Variants in ASB3 observed in about 807,000 individuals in gnomAD.
The protein encoded by ASB3 is ankyrin repeat and SOCS box protein 3.
Under a neutral mutation model 54.5 loss-of-function variants are expected in ASB3, and 41 were observed. That is an observed-to-expected ratio of 0.75 (90% CI 0.59 to 0.98). The LOEUF (loss-of-function observed/expected upper bound fraction) is 0.98, where lower values mean the gene tolerates loss of function less well. Among genes scored for constraint, ASB3 ranks in the 50% least tolerant of loss-of-function variants. The pLI is 0.00. For missense variants in ASB3, 733 were observed against 620.0 expected (o/e 1.18, Z -1.94); for synonymous variants, 266 against 221.2 (o/e 1.20, Z -1.80).
At chr2:53,771,369 T>C (rs1673893993) in intron 1 of ASB3, among the ~76,000 whole-genome samples, 1 of 152,016 alleles carries the variant, frequency 6.6e-6, no homozygotes, top group Admixed American at 6.6e-5. Context: ...AAAAATTAGC[T>C]GGGTGTCTTG....
chr2:53,777,336 T>G (rs1178815197), intron 1 of ASB3, among the ~76,000 whole-genome samples: 3 of 152,204 alleles, frequency 2.0e-5, no homozygotes, highest in African/African-American at 2.4e-5. Context: ...ACCCAAAGAT[T>G]GCAATTTTCA....
intron 9 of ASB3, among the ~76,000 whole-genome samples, chr2:53,690,471 A>C (rs1223823524): frequency 6.6e-6 from 1 of 152,132 alleles, no homozygotes; most frequent in African/African-American, 2.4e-5. Flanking sequence ...ACAACAGTCC[A>C]TGTAAAAGAA....
intron 1 of ASB3, chr2:53,774,551 G>A: frequency 2.0e-6 from 3 of 1,465,844 alleles, no homozygotes; most frequent in Non-Finnish European, 2.7e-6. Flanking sequence ...ATTAACTTCA[G>A]TGCACAATGA....
At chr2:53,763,468 T>C (rs1212640334) in intron 2 of ASB3, 1 of 169,334 alleles carries the variant, frequency 5.9e-6, no homozygotes, top group East Asian at 1.9e-4. Flanking sequence ...AACCCACAGA[T>C]ACAGACGGCT....
chr2:53,776,361 A>T (rs1237752328), intron 1 of ASB3, among the ~76,000 whole-genome samples: 1 of 152,218 alleles, frequency 6.6e-6, no homozygotes, highest in Admixed American at 6.5e-5. Context: ...AGGCAATTAG[A>T]TGATAAATGT....
At chr2:53,785,775 G>A (rs189631695) in intron 1 of ASB3, among the ~76,000 whole-genome samples, 2 of 152,322 alleles carry the variant, frequency 1.3e-5, no homozygotes, top group East Asian at 3.9e-4. Context: ...TCCAGAGGCG[G>A]AGGTTGCAGT....
At chr2:53,749,003 A>T (rs1672377670) in intron 3 of ASB3, among the ~76,000 whole-genome samples, 1 of 152,146 alleles carries the variant, frequency 6.6e-6, no homozygotes, top group African/African-American at 2.4e-5. Flanking sequence ...CTTAATCTCA[A>T]AAGGATTAAA....
chr2:53,783,231 C>T (rs927742270), intron 1 of ASB3, among the ~76,000 whole-genome samples: 3 of 151,998 alleles, frequency 2.0e-5, no homozygotes, highest in Non-Finnish European at 4.4e-5. Context: ...AACAATGCAT[C>T]CATTAAAAAT....
intron 7 of ASB3, among the ~76,000 whole-genome samples, chr2:53,702,164 C>T (rs1669528155): frequency 6.6e-6 from 1 of 152,068 alleles, no homozygotes; most frequent in Non-Finnish European, 1.5e-5. Flanking sequence ...TTAGAAGGGG[C>T]AAGAGTAAAT....
chr2:53,699,474 A>C (rs1044737604), intron 8 of ASB3, among the ~76,000 whole-genome samples: 1 of 152,234 alleles, frequency 6.6e-6, no homozygotes, highest in African/African-American at 2.4e-5. Flanking sequence ...AGAAAAACAC[A>C]AGGAGTGTTT....
chr2:53,714,606 AT>A (rs1459544103), intron 6 of ASB3, 25 bp from the exon 7 acceptor site: 2 of 1,611,266 alleles, frequency 1.2e-6, no homozygotes, highest in Middle Eastern at 1.7e-4. Context: ...ATTCAGGAGA[AT>A]TTAGTGTTTG....
intron 9 of ASB3, among the ~76,000 whole-genome samples, chr2:53,671,744 A>T (rs1312069574): frequency 8.5e-6 from 1 of 118,014 alleles, no homozygotes; most frequent in African/African-American, 3.0e-5. Context: ...GGGCAACAAG[A>T]GGGAAACTCC....
intron 3 of ASB3, among the ~76,000 whole-genome samples, chr2:53,739,323 G>A (rs1200836024): frequency 2.0e-5 from 3 of 152,138 alleles, no homozygotes; most frequent in Admixed American, 2.0e-4. Flanking sequence ...TACAAGCAAA[G>A]CCCCATGTGA....
At chr2:53,722,356 T>G (rs1670758734) in intron 5 of ASB3, among the ~76,000 whole-genome samples, 1 of 152,066 alleles carries the variant, frequency 6.6e-6, no homozygotes, top group Admixed American at 6.6e-5. Flanking sequence ...TACAAAAATC[T>G]GGCAAAGACA....
At chr2:53,761,365 C>T (rs1673135987) in intron 2 of ASB3, among the ~76,000 whole-genome samples, 1 of 152,122 alleles carries the variant, frequency 6.6e-6, no homozygotes, top group South Asian at 2.1e-4. Flanking sequence ...AGCAGCAACC[C>T]CCTTTGGGTC....
At position 53,692,898 on chromosome 2, in the gene ASB3, T is replaced by TGAA. The variant is rs537131826; in HGVS notation, c.1369+983_1369+985dup. On this transcript the variant is annotated intron_variant, in intron 9 of 9. Transcript: ENST00000263634. Reference sequence around the variant, plus strand: ...TTAAAGAAATTCTATACTAGAAGGCTGAAAGACTCCAAATCAATTCTTTTT... The same window carrying TGAA: ...TTAAAGAAATTCTATACTAGAAGGCTGAAGAAAGACTCCAAATCAATTCTTTTT... Among the ~76,000 whole-genome samples the TGAA allele has an allele frequency of 3.2e-4, 49 of 152,330 alleles. No homozygotes were observed. The South Asian group carries it at 9.5e-3, about 30-fold the overall frequency.
chr2:53,684,993 G>T (rs1668560097), intron 9 of ASB3, among the ~76,000 whole-genome samples: 1 of 152,184 alleles, frequency 6.6e-6, no homozygotes, highest in Non-Finnish European at 1.5e-5. Flanking sequence ...GCACATCTGT[G>T]AAGTGTAGTA....
chr2:53,780,058 ATTC>A (rs1674558187), intron 1 of ASB3, among the ~76,000 whole-genome samples: 1 of 152,170 alleles, frequency 6.6e-6, no homozygotes, highest in Non-Finnish European at 1.5e-5. Context: ...TTTCTTACAT[ATTC>A]TTCTTGTTTC....
rs201970715 is a variant in ASB3, at chr2:53,771,863, A to T, written c.-13-6278T>A. On this transcript the variant is annotated intron_variant, in intron 1 of 9. Coordinates refer to ENST00000263634, the MANE Select transcript of ASB3 (RefSeq NM_016115.5). ...TTGCTAATGCTCAGCTACTTAATGAACTTTATTAATTCAGAAAAATTTTTT... is the reference window on the plus strand; with the variant it reads ...TTGCTAATGCTCAGCTACTTAATGATCTTTATTAATTCAGAAAAATTTTTT... 1.7e-5 allele frequency: 20 copies of T among 1,174,304 alleles called. No homozygotes were observed. In the African/African-American group the frequency reaches 2.9e-4, roughly 17 times the overall value. 72.7% of individuals were successfully genotyped at this position (1,174,304 alleles called of 1,614,324 possible). A position where few individuals can be genotyped will look rare whatever the true frequency, so the allele number is the denominator to read the frequency against.
Sources: allele counts gnomAD v4.1 joint callset (sites outside exome capture counted in the v4.1 genomes callset), GRCh38; gene constraint gnomAD v4.1.1; transcripts MANE v1.5; gene names NCBI Gene and HGNC (gene_info 2026-07-23, HGNC 2026-07-21).